The following CTNNA2 variants were observed in gnomAD, a reference collection of about 807,000 sequenced individuals.
The protein encoded by CTNNA2 is catenin alpha 2.
In CTNNA2, 42 loss-of-function variants were observed where a neutral mutation model predicts 101.0. The ratio of observed to expected loss-of-function variants is 0.42; its 90% CI spans 0.32 to 0.54. The LOEUF (loss-of-function observed/expected upper bound fraction) is 0.54, where lower values mean the gene tolerates loss of function less well. Ranked by LOEUF, CTNNA2 falls within the 20% of genes least tolerant of loss-of-function variation. The pLI is 0.14. For missense variants in CTNNA2, 871 were observed against 1,223.1 expected (o/e 0.71, Z 4.29); for synonymous variants, 450 against 456.4 (o/e 0.99, Z 0.18).
chr2:79,357,250 T>A (rs1365349170), intron 3 of CTNNA2, among the ~76,000 whole-genome samples: 1 of 152,024 alleles, frequency 6.6e-6, no homozygotes, highest in Non-Finnish European at 1.5e-5. Flanking sequence ...TGCTTAAGCC[T>A]AGGAGGTCAA....
intron 3 of CTNNA2, among the ~76,000 whole-genome samples, chr2:79,849,896 G>A (rs562674217): frequency 7.9e-5 from 12 of 152,274 alleles, no homozygotes; most frequent in Non-Finnish European, 1.2e-4. Context: ...CCAGGCAGGC[G>A]TTCCTTTCCT....
intron 7 of CTNNA2, among the ~76,000 whole-genome samples, chr2:80,343,996 T>C (rs937787177): frequency 3.3e-5 from 5 of 152,254 alleles, no homozygotes; most frequent in Non-Finnish European, 7.4e-5. Context: ...CCAGTATTTG[T>C]ATTCACCCAT....
In CTNNA2 at chr2:80,433,334, T is replaced by C. The variant is rs569518869; in HGVS notation, c.1290+13733T>C. Among the ~76,000 whole-genome samples, 5 of 152,140 alleles carry C rather than the reference T, an allele frequency of 3.3e-5. No homozygotes were observed. The East Asian group carries it at 9.8e-4, about 30-fold the overall frequency. ...AGGGGCTCAGGTGGGAACCCCGCCA[T>C]CTCAGTGACCACTGTGGAGGGTGAA... On this transcript the variant is annotated intron_variant, in intron 9 of 18. Coordinates refer to ENST00000402739, the MANE Select transcript of CTNNA2 (RefSeq NM_001282597.3).
chr2:80,105,732 T>C (rs888156663), intron 7 of CTNNA2, among the ~76,000 whole-genome samples: 5 of 149,514 alleles, frequency 3.3e-5, no homozygotes, highest in African/African-American at 1.3e-4. Flanking sequence ...AGATCTTGTC[T>C]CAAAAAAAAA....
intron 6 of CTNNA2, among the ~76,000 whole-genome samples, chr2:79,895,289 C>T (rs554848001): frequency 6.6e-6 from 1 of 152,222 alleles, no homozygotes; most frequent in African/African-American, 2.4e-5. Flanking sequence ...TCTTAATTTG[C>T]CTGCTTAAAA....
At chr2:79,300,529 T>G (rs1228688164) in intron 2 of CTNNA2, among the ~76,000 whole-genome samples, 1 of 152,176 alleles carries the variant, frequency 6.6e-6, no homozygotes, top group Non-Finnish European at 1.5e-5. Flanking sequence ...GGTTTATAAA[T>G]GGCAACCACA....
At chr2:79,192,914 A>T (rs540726509) in intron 1 of CTNNA2, among the ~76,000 whole-genome samples, 21 of 152,168 alleles carry the variant, frequency 1.4e-4, no homozygotes, top group African/African-American at 4.8e-4. Flanking sequence ...AAAGAAATAG[A>T]ACTCTAACAG....
chr2:80,473,165 G>A (rs186038204), intron 9 of CTNNA2, among the ~76,000 whole-genome samples: 21 of 152,084 alleles, frequency 1.4e-4, no homozygotes, highest in Admixed American at 5.2e-4. Flanking sequence ...AAGGGCATTC[G>A]GTGTGGACTG....
intron 1 of CTNNA2, among the ~76,000 whole-genome samples, chr2:79,529,677 C>T (rs1292250635): frequency 6.7e-6 from 1 of 149,802 alleles, no homozygotes; most frequent in Non-Finnish European, 1.5e-5. Context: ...TCAAGAAAGT[C>T]AGCAAAATGA....
intron 1 of CTNNA2, among the ~76,000 whole-genome samples, chr2:79,518,216 G>A (rs1319664876): frequency 2.6e-5 from 4 of 152,054 alleles, no homozygotes; most frequent in African/African-American, 7.2e-5. Flanking sequence ...TGTAGACATC[G>A]GGCTATTTTG....
At chr2:80,116,947 G>A (rs1319228) in intron 7 of CTNNA2, among the ~76,000 whole-genome samples, 32,675 of 147,744 alleles carry the variant, frequency 0.22, 4,232 homozygotes, top group East Asian at 0.52. Context: ...CTATGCAAAG[G>A]TATTTAGGCT....
chr2:79,353,548 G>T (rs1203281690), intron 3 of CTNNA2, among the ~76,000 whole-genome samples: 2 of 152,096 alleles, frequency 1.3e-5, no homozygotes, highest in African/African-American at 2.4e-5. Context: ...TTTACTTTGA[G>T]CCTGTGAGTG....
At chr2:80,104,562 A>G (rs989915073) in intron 7 of CTNNA2, among the ~76,000 whole-genome samples, 1 of 152,220 alleles carries the variant, frequency 6.6e-6, no homozygotes, top group Non-Finnish European at 1.5e-5. Flanking sequence ...TTCATGAGGA[A>G]TATCTTTGCT....
intron 8 of CTNNA2, among the ~76,000 whole-genome samples, chr2:80,398,612 T>C (rs1346066264): frequency 6.7e-6 from 1 of 149,626 alleles, no homozygotes; most frequent in African/African-American, 2.5e-5. Flanking sequence ...CCTAACACTT[T>C]GGGAGGTCGA....
chr2:79,282,021 G>T (rs1030911065), intron 2 of CTNNA2, among the ~76,000 whole-genome samples: 1 of 151,864 alleles, frequency 6.6e-6, no homozygotes, highest in Non-Finnish European at 1.5e-5. Flanking sequence ...ATAATAACAT[G>T]GTTATCTTTT....
intron 3 of CTNNA2, among the ~76,000 whole-genome samples, chr2:79,807,072 A>G (rs542301038): frequency 5.3e-5 from 8 of 151,848 alleles, no homozygotes; most frequent in Non-Finnish European, 7.4e-5. Flanking sequence ...TCACTCTTAC[A>G]CTTCCAGGCC....
At chr2:80,107,796 G>A (rs1047004914) in intron 7 of CTNNA2, among the ~76,000 whole-genome samples, 13 of 152,182 alleles carry the variant, frequency 8.5e-5, no homozygotes, top group African/African-American at 2.9e-4. Flanking sequence ...GGTTTTGGGG[G>A]TTGCAGACAC....
At chr2:79,377,339 C>A (rs1483084638) in intron 4 of CTNNA2, among the ~76,000 whole-genome samples, 1 of 152,264 alleles carries the variant, frequency 6.6e-6, no homozygotes, top group African/African-American at 2.4e-5. Context: ...CTATGCTGAA[C>A]AATCCATACT....
chr2:80,122,682 T>G (rs963761658), intron 7 of CTNNA2, among the ~76,000 whole-genome samples: 1 of 152,166 alleles, frequency 6.6e-6, no homozygotes, highest in African/African-American at 2.4e-5. Context: ...TTTAAGTTAG[T>G]GAATTATAGA....
Sources: allele counts gnomAD v4.1 joint callset (sites outside exome capture counted in the v4.1 genomes callset), GRCh38; gene constraint gnomAD v4.1.1; transcripts MANE v1.5; gene names NCBI Gene and HGNC (gene_info 2026-07-23, HGNC 2026-07-21).